Variants in TTLL7 observed in about 807,000 individuals in gnomAD.
TTLL7 encodes the protein tubulin tyrosine ligase like 7.
A neutral mutation model predicts 120.2 loss-of-function variants in TTLL7; 53 were observed. The ratio of observed to expected loss-of-function variants is 0.44; its 90% confidence interval spans 0.35 to 0.55. TTLL7 has a LOEUF of 0.55. TTLL7 is among the 20% of genes least tolerant of loss of function. TTLL7 has a pLI of 0.00. For synonymous variants in TTLL7, 353 were observed against 351.7 expected (o/e 1.00, Z -0.04); for missense variants, 803 against 1,054.7 (o/e 0.76, Z 3.31).
intron 6 of TTLL7, among the ~76,000 whole-genome samples, chr1:83,944,041 T>C (rs1485210397): frequency 6.6e-6 from 1 of 151,944 alleles, no homozygotes; most frequent in Admixed American, 6.5e-5. Context: ...ATATAAACAG[T>C]ATACTTGACA....
At chr1:83,910,344 C>T (rs1427773220) in intron 15 of TTLL7, among the ~76,000 whole-genome samples, 1 of 151,960 alleles carries the variant, frequency 6.6e-6, no homozygotes, top group Non-Finnish European at 1.5e-5. Context: ...CAGTGGAGCA[C>T]GAGGCAAATA....
intron 3 of TTLL7, among the ~76,000 whole-genome samples, chr1:83,951,305 C>T (rs1025589603): frequency 6.6e-6 from 1 of 151,048 alleles, no homozygotes; most frequent in Non-Finnish European, 1.5e-5. Flanking sequence ...GCCGAGATTG[C>T]GCCACTGCAC....
At chr1:83,943,661 T>G (rs1417149592) in intron 6 of TTLL7, among the ~76,000 whole-genome samples, 1 of 152,124 alleles carries the variant, frequency 6.6e-6, no homozygotes, top group Non-Finnish European at 1.5e-5. Flanking sequence ...AACAACAAAT[T>G]GCGTAGAGGG....
At chr1:83,924,804 G>A (rs1658974493) in intron 10 of TTLL7, among the ~76,000 whole-genome samples, 1 of 152,086 alleles carries the variant, frequency 6.6e-6, no homozygotes, top group South Asian at 2.1e-4. Flanking sequence ...TATTAAATGA[G>A]AACAAGTGCA....
At chr1:83,900,812 C>T (rs937024935) in intron 18 of TTLL7, among the ~76,000 whole-genome samples, 1 of 151,926 alleles carries the variant, frequency 6.6e-6, no homozygotes, top group South Asian at 2.1e-4. Context: ...AAGACTTGTA[C>T]CAATGTACTA....
At chr1:83,941,749 C>T (rs142645040) in intron 7 of TTLL7, among the ~76,000 whole-genome samples, 6 of 152,250 alleles carry the variant, frequency 3.9e-5, no homozygotes, top group African/African-American at 1.4e-4. Context: ...TCATAAGCTA[C>T]AAATTATAGT....
intron 4 of TTLL7, chr1:83,948,923 C>A (rs1032151859): frequency 5.4e-5 from 19 of 351,156 alleles, no homozygotes; most frequent in Non-Finnish European, 7.7e-5. Flanking sequence ...AGAATATCTA[C>A]ATAGATAGTA....
intron 10 of TTLL7, among the ~76,000 whole-genome samples, chr1:83,925,293 T>C (rs541959622): frequency 2.0e-5 from 3 of 152,218 alleles, no homozygotes; most frequent in Non-Finnish European, 4.4e-5. Flanking sequence ...CCATTACTTT[T>C]CTAAGCCTCT....
chr1:83,923,577 A>C (rs1041405153), intron 10 of TTLL7, among the ~76,000 whole-genome samples: 1 of 152,164 alleles, frequency 6.6e-6, no homozygotes, highest in South Asian at 2.1e-4. Flanking sequence ...AGCACATAGA[A>C]GTTCCTTCAG....
intron 20 of TTLL7, chr1:83,882,628 T>C (rs1264182542): frequency 5.3e-6 from 1 of 187,912 alleles, no homozygotes; most frequent in South Asian, 1.2e-4. Flanking sequence ...AGGGTAAATG[T>C]TGAAATATCT....
intron 20 of TTLL7, among the ~76,000 whole-genome samples, chr1:83,878,082 T>G (rs1441422350): frequency 6.6e-6 from 1 of 151,860 alleles, no homozygotes; most frequent in African/African-American, 2.4e-5. Flanking sequence ...GATTCGTGGA[T>G]TATTTAAAAG....
intron 1 of TTLL7, among the ~76,000 whole-genome samples, chr1:83,973,971 T>A (rs1427593308): frequency 1.3e-5 from 2 of 152,004 alleles, no homozygotes; most frequent in Non-Finnish European, 2.9e-5. Flanking sequence ...AGCATATGCC[T>A]AAGTAAAAAT....
At chr1:83,971,480 A>G (rs934480429) in intron 1 of TTLL7, among the ~76,000 whole-genome samples, 3 of 152,074 alleles carry the variant, frequency 2.0e-5, no homozygotes, top group African/African-American at 7.2e-5. Flanking sequence ...CATAGTAGGT[A>G]TTCCATATTT....
At chr1:83,898,381 C>T (rs1440672964) in intron 18 of TTLL7, among the ~76,000 whole-genome samples, 1 of 151,970 alleles carries the variant, frequency 6.6e-6, no homozygotes, top group Non-Finnish European at 1.5e-5. Context: ...CACTTAAGCA[C>T]AAGGACCCTT....
chr1:83,901,927 T>C (rs1051659885), intron 18 of TTLL7: 1 of 151,932 alleles, frequency 6.6e-6, no homozygotes. Flanking sequence ...CAGAAAACAA[T>C]GTTACAGTGC....
chr1:83,888,981 T>C (rs1165570582), intron 19 of TTLL7, among the ~76,000 whole-genome samples: 1 of 152,056 alleles, frequency 6.6e-6, no homozygotes, highest in East Asian at 1.9e-4. Flanking sequence ...TCTAAAATCC[T>C]GTCATACTTT....
At chr1:83,991,743 A>G (rs1247495089) in intron 1 of TTLL7, among the ~76,000 whole-genome samples, 1 of 152,164 alleles carries the variant, frequency 6.6e-6, no homozygotes, top group Non-Finnish European at 1.5e-5. Flanking sequence ...AAATAATTAT[A>G]TAAATACTAA....
chr1:83,962,042 C>G lies in TTLL7; in HGVS notation c.-176-9655G>C, dbSNP rs371419094. Among the ~76,000 whole-genome samples the G allele has an allele frequency of 1.6e-4, 25 of 152,210 alleles. No homozygotes were observed. The South Asian group carries it at 5.0e-3, about 30-fold the overall frequency. The stretch of plus-strand genomic sequence containing the variant: ...CTCCTGAGATTTCAATAACTTTGAT[C>G]ACAAGGTTTAAAAGAGAGGGACTAG... On this transcript the variant is annotated intron_variant, in intron 1 of 20. Transcript: ENST00000260505.
At chr1:83,932,119 T>A (rs1659649206) in intron 9 of TTLL7, among the ~76,000 whole-genome samples, 1 of 152,148 alleles carries the variant, frequency 6.6e-6, no homozygotes, top group Non-Finnish European at 1.5e-5. Context: ...AACCATTCAG[T>A]CAATTCTGAT....
Sources: allele counts gnomAD v4.1 joint callset (sites outside exome capture counted in the v4.1 genomes callset), GRCh38; gene constraint gnomAD v4.1.1; transcripts MANE v1.5; gene names NCBI Gene and HGNC (gene_info 2026-07-23, HGNC 2026-07-21).